The following TRIOBP variants were observed in gnomAD, a reference collection of about 807,000 sequenced individuals.
TRIOBP encodes TRIO and F-actin binding protein, also known as TRIO and F-actin-binding protein.
Under a neutral mutation model 238.8 loss-of-function variants are expected in TRIOBP, and 169 were observed. The ratio of observed to expected loss-of-function variants is 0.71; its 90% CI spans 0.62 to 0.80. The LOEUF (loss-of-function observed/expected upper bound fraction) is 0.80. Ranked by LOEUF, TRIOBP falls within the 30% of genes least tolerant of loss-of-function variation. TRIOBP has a pLI of 0.00. For missense variants in TRIOBP, 2,838 were observed against 3,122.6 expected (o/e 0.91, Z 2.17); for synonymous variants, 1,150 against 1,274.4 (o/e 0.90, Z 2.08).
In TRIOBP at chr22:37,715,810, C is replaced by G. The variant is rs116448422; in HGVS notation, c.504C>G (p.Asp168Glu). ...ERQEEEAPSW[D>E]ELAVMIPRRP... ...AGGAGGAGGAGGCCCCCAGCTGGGACGAGCTCGCAGTGATGATCCCGAGGA... is the reference window on the plus strand; with the variant it reads ...AGGAGGAGGAGGCCCCCAGCTGGGAGGAGCTCGCAGTGATGATCCCGAGGA... The change falls in exon 6 of 24, where the codon GAC (aspartate) becomes GAG (glutamate). Residue 168 changes from aspartate to glutamate, a missense_variant. Transcript: ENST00000644935. 4 of 1,613,962 alleles carry G rather than the reference C, an allele frequency of 2.5e-6. No homozygotes were observed. In the Admixed American group the frequency reaches 5.0e-5, roughly 20 times the overall value.
Position 37,723,781 on chromosome 22 carries a change from C to T in TRIOBP, c.1225C>T (p.Arg409Trp), listed in dbSNP as rs200333366. The change falls in exon 7 of 24, where the codon CGG becomes TGG. Residue 409 changes from arginine to tryptophan, a missense_variant. Physicochemically the swap from Arg to Trp is moderately radical, Grantham distance 101. This residue lies in a region of TRIOBP where 535 missense variants were observed against 537.3 expected (regional missense o/e 1.00). Coordinates refer to ENST00000644935, the MANE Select transcript of TRIOBP (RefSeq NM_001039141.3). ...RENSRTSCAQ[R>W]DNPKASRTSS... Reference sequence around the variant, plus strand: ...GAATTCCAGAACATCCTGTGCCCAGCGGGACAATCCCAAAGCCTCCAGAAC... The same window carrying T: ...GAATTCCAGAACATCCTGTGCCCAGTGGGACAATCCCAAAGCCTCCAGAAC... 400 of 1,417,806 alleles carry T rather than the reference C, an allele frequency of 2.8e-4. 4 individuals carry two copies. In the African/African-American group the frequency reaches 4.8e-3, roughly 17 times the overall value. The allele number at this position is 1,417,806 out of a possible 1,614,324, so 87.8% of individuals were successfully genotyped here.
intron 21 of TRIOBP, among the ~76,000 whole-genome samples, chr22:37,771,120 C>T (rs1420371773): frequency 6.6e-6 from 1 of 152,230 alleles, no homozygotes; most frequent in African/African-American, 2.4e-5. Flanking sequence ...TCCCCATTTA[C>T]AGATGAGGAA....
chr22:37,769,219 G>A (rs1419084816), intron 20 of TRIOBP, 32 bp downstream of exon 20: 1 of 1,579,152 alleles, frequency 6.3e-7, no homozygotes, highest in Non-Finnish European at 8.6e-7. Flanking sequence ...GGGGACACGG[G>A]TGGGTCCCGG....
intron 11 of TRIOBP, chr22:37,746,475 G>T: frequency 7.4e-7 from 1 of 1,353,204 alleles, no homozygotes; most frequent in Non-Finnish European, 9.7e-7. Context: ...GCGACGACCC[G>T]AGGCAGAGCC....
Position 37,775,303 on chromosome 22 carries a change from T to C in TRIOBP, c.*1523T>C, listed in dbSNP as rs1260239462. On this transcript the variant is annotated 3_prime_UTR_variant, in exon 24 of 24. Coordinates refer to ENST00000644935, the MANE Select transcript of TRIOBP (RefSeq NM_001039141.3). Reference sequence around the variant, plus strand: ...CACCAGCAGGAGCAAACGTCCCTGGTGTGTTCAGGCAAAGAGCCACAGGAG... The same window carrying C: ...CACCAGCAGGAGCAAACGTCCCTGGCGTGTTCAGGCAAAGAGCCACAGGAG... 6.6e-6 allele frequency: 1 copy of C among 152,070 alleles called. No homozygotes were observed. The highest frequency in any genetic ancestry group is 2.4e-5 in the African/African-American group (1 of 41,396). 9.4% of individuals were successfully genotyped at this position (152,070 alleles called of 1,614,324 possible).
intron 17 of TRIOBP, among the ~76,000 whole-genome samples, chr22:37,761,826 T>C (rs1389804451): frequency 1.3e-5 from 2 of 149,300 alleles, no homozygotes; most frequent in African/African-American, 4.9e-5. Context: ...TACCTTGTCC[T>C]GGGGAGGGGC....
chr22:37,733,287 T>C lies in TRIOBP; in HGVS notation c.3948-11T>C. 3 of 1,546,578 alleles carry C rather than the reference T, an allele frequency of 1.9e-6. No individual in the cohort carries two copies. The highest frequency in any genetic ancestry group is 2.6e-6 in the Non-Finnish European group (3 of 1,143,264). ...ACAGTCCCTCAGAGGAGTGGCTGCA[T>C]TTGCTCATAGGAAGTCCGAGGCAGC... is the stretch of plus-strand genomic sequence containing the variant. On this transcript the variant is annotated splice_polypyrimidine_tract_variant and intron_variant, in intron 7 of 23. Transcript: ENST00000644935.
chr22:37,752,959 C>T (rs577494032), intron 12 of TRIOBP, among the ~76,000 whole-genome samples: 24 of 152,344 alleles, frequency 1.6e-4, no homozygotes, highest in Middle Eastern at 3.4e-3. Flanking sequence ...CAGAACTCAG[C>T]GCACCTGAGG....
intron 11 of TRIOBP, among the ~76,000 whole-genome samples, chr22:37,749,871 T>C (rs1925491012): frequency 6.6e-6 from 1 of 151,808 alleles, no homozygotes; most frequent in East Asian, 1.9e-4. Context: ...GAAGGATCGC[T>C]TGAGCCCAGG....
chr22:37,763,953 G>A (rs577410907), intron 17 of TRIOBP, among the ~76,000 whole-genome samples: 47 of 152,266 alleles, frequency 3.1e-4, no homozygotes, highest in African/African-American at 1.1e-3. Flanking sequence ...CTTGGCTCTC[G>A]GCCCCTTCCT....
In TRIOBP at chr22:37,724,514, C is replaced by T. The variant is rs1489913847; in HGVS notation, c.1958C>T (p.Ala653Val). The change falls in exon 7 of 24, where the codon GCC becomes GTC. Residue 653 changes from alanine (A) to valine (V), a missense_variant. This residue lies in a region of TRIOBP where 167 missense variants were observed against 200.2 expected (regional missense o/e 0.83). Coordinates refer to ENST00000644935, the MANE Select transcript of TRIOBP (RefSeq NM_001039141.3). Reference sequence around the variant, plus strand: ...CAAGACAGCCCCAGAACATCCTGTGCCCGACGGGACGATCCCAGAGCCTCC... The same window carrying T: ...CAAGACAGCCCCAGAACATCCTGTGTCCGACGGGACGATCCCAGAGCCTCC... ...TQQDSPRTSCARRDDPRASSP... is the reference protein window; with the variant it reads ...TQQDSPRTSCVRRDDPRASSP... 1.2e-6 allele frequency: 2 copies of T among 1,602,284 alleles called. No individual in the cohort carries two copies. Among genetic ancestry groups the T allele is most frequent in the Admixed American group, 1.7e-5 (1 of 59,390 alleles).
intron 6 of TRIOBP, among the ~76,000 whole-genome samples, chr22:37,718,186 C>T (rs1433848942): frequency 1.3e-5 from 2 of 152,212 alleles, no homozygotes; most frequent in African/African-American, 4.8e-5. Flanking sequence ...GGCCCACAAG[C>T]GCCGCGCGCA....
At chr22:37,740,539 G>A (rs117262262) in intron 10 of TRIOBP, among the ~76,000 whole-genome samples, 1,672 of 152,316 alleles carry the variant, frequency 0.011, 11 homozygotes, top group Non-Finnish European at 0.017. Context: ...AAGAAACACT[G>A]GAGATATGTA....
intron 4 of TRIOBP, among the ~76,000 whole-genome samples, chr22:37,711,489 G>T (rs969675090): frequency 3.3e-5 from 5 of 150,418 alleles, no homozygotes; most frequent in African/African-American, 1.2e-4. Context: ...TGAGGCAGGA[G>T]AACCACTTGA....
In TRIOBP at chr22:37,769,055, G is replaced by T; in HGVS notation, c.6603G>T (p.Glu2201Asp). The change falls in exon 20 of 24, where the codon GAG (glutamate) becomes GAT (aspartate). Residue 2201 changes from glutamate to aspartate, a missense_variant. By Grantham distance (45) the Glu-to-Asp change is conservative. Around this residue, in one of 5 missense-constraint regions of TRIOBP, gnomAD observed 2,096 missense variants for 2,137.4 expected, o/e 0.98. Coordinates refer to ENST00000644935, the MANE Select transcript of TRIOBP (RefSeq NM_001039141.3). ...CAGATGTGGAGGCACTGAAGCGAGA[G>T]CTGCAGGTGCTATCGGAGCAGTACT... ...HQSDVEALKR[E>D]LQVLSEQYSQ... 6.2e-7 allele frequency: 1 copy of T among 1,613,536 alleles called. No individual in the cohort carries two copies. The highest frequency in any genetic ancestry group is 8.5e-7 in the Non-Finnish European group (1 of 1,180,026).
chr22:37,713,359 C>T lies in TRIOBP; in HGVS notation c.404C>T (p.Thr135Ile). 6.2e-7 allele frequency: 1 copy of T among 1,614,004 alleles called. No individual in the cohort carries two copies. Among genetic ancestry groups the T allele is most frequent in the Non-Finnish European group, 8.5e-7 (1 of 1,180,002 alleles). ...AACGAGGACCCCGGCTCTGACCCCA[C>T]CTCCAGCCCTGACTCCGCCACCCCT... Reference protein sequence around the residue: ...SCNEDPGSDPTSSPDSATPDD... With the variant: ...SCNEDPGSDPISSPDSATPDD... The change falls in exon 5 of 24, where the codon ACC (threonine) becomes ATC (isoleucine). Residue 135 changes from threonine to isoleucine, a missense_variant. Coordinates refer to ENST00000644935, the MANE Select transcript of TRIOBP (RefSeq NM_001039141.3).
rs566116429 is a variant in TRIOBP at position 37,753,159 on chromosome 22, C to T, written c.5379+1331C>T. On this transcript the variant is annotated intron_variant, in intron 12 of 23. Transcript: ENST00000644935. ...GCCTGGCCTCCCAGAACAAACCCAG[C>T]AACCTGGTTGGTGTCCATCCCTATG... Among the ~76,000 whole-genome samples the T allele has an allele frequency of 5.2e-5, 8 of 152,388 alleles. No individual in the cohort carries two copies. The South Asian group carries it at 1.4e-3, about 28-fold the overall frequency.
At chr22:37,770,224 G>T (rs1926698863) in intron 21 of TRIOBP, among the ~76,000 whole-genome samples, 1 of 148,262 alleles carries the variant, frequency 6.7e-6, no homozygotes, top group Non-Finnish European at 1.5e-5. Flanking sequence ...AGATCACGAG[G>T]TAGGAGATCA....
rs796137452 is a variant in TRIOBP at position 37,718,963 on chromosome 22, C to G, written c.628+3029C>G. On this transcript the variant is annotated intron_variant, in intron 6 of 23. Coordinates refer to ENST00000644935, the MANE Select transcript of TRIOBP (RefSeq NM_001039141.3). ...CTGGGTTCAAGCGATTCTCCTGCCT[C>G]AGTCTCCTGAGTAGCTGGGACTATA... is the stretch of plus-strand genomic sequence containing the variant. Among the ~76,000 whole-genome samples the G allele has an allele frequency of 3.4e-5, 5 of 149,004 alleles. No homozygotes were observed. The South Asian group carries it at 1.1e-3, about 33-fold the overall frequency.
Sources: allele counts gnomAD v4.1 joint callset (sites outside exome capture counted in the v4.1 genomes callset), GRCh38; gene constraint gnomAD v4.1.1; regional missense constraint gnomAD v4.1.1; transcripts MANE v1.5; gene names NCBI Gene and HGNC (gene_info 2026-07-23, HGNC 2026-07-21).